ANKHD1: variants seen among roughly 807,000 people sequenced by gnomAD.
ANKHD1 encodes ankyrin repeat and KH domain containing 1, also known as ankyrin repeat and KH domain-containing protein 1.
In ANKHD1, 31 loss-of-function variants were observed where a neutral mutation model predicts 230.5. That is an observed-to-expected ratio of 0.13 (90% CI 0.10 to 0.18). The LOEUF (loss-of-function observed/expected upper bound fraction) is 0.18, where lower values mean the gene tolerates loss of function less well. Ranked by LOEUF, ANKHD1 falls within the 10% of genes least tolerant of loss-of-function variation. ANKHD1 has a pLI of 1.00. For synonymous variants in ANKHD1, 1,074 were observed against 1,117.6 expected (o/e 0.96, Z 0.78); for missense variants, 2,256 against 3,071.3 (o/e 0.73, Z 6.27).
intron 9 of ANKHD1, among the ~76,000 whole-genome samples, chr5:140,463,005 C>A (rs1327110030): frequency 1.3e-5 from 2 of 151,886 alleles, no homozygotes; most frequent in Non-Finnish European, 2.9e-5. Flanking sequence ...ACCACTATGC[C>A]CCGCTAATTT....
intron 2 of ANKHD1, 66 bp from the exon 3 acceptor site, chr5:140,438,395 A>G (rs543444621): frequency 3.4e-6 from 5 of 1,449,510 alleles, no homozygotes; most frequent in Middle Eastern, 1.9e-4. Flanking sequence ...ATATAATTAC[A>G]ATTTGCACTT....
intron 7 of ANKHD1, among the ~76,000 whole-genome samples, chr5:140,455,709 A>G (rs564600992): frequency 1.5e-3 from 236 of 152,282 alleles, no homozygotes; most frequent in African/African-American, 5.5e-3. Flanking sequence ...TTGATGGGAC[A>G]TATCTCAAAA....
chr5:140,440,151 A>G lies in ANKHD1; in HGVS notation c.650A>G (p.Asp217Gly). Residue 217 changes from aspartate to glycine, a missense_variant, in exon 4 of 34, where the codon GAT becomes GGT. Physicochemically the swap from Asp to Gly is moderately conservative, Grantham distance 94 (BLOSUM62 -1). Transcript: ENST00000360839. ...RSLAEACSDG[D>G]VNAVRKLLDE... ...CTAGCAGAAGCTTGTTCAGATGGGG[A>G]TGTTAATGCTGTTCGTAAATTGCTA... The G allele has an allele frequency of 6.2e-7, 1 of 1,611,572 alleles. No homozygotes were observed. Among genetic ancestry groups the G allele is most frequent in the Non-Finnish European group, 8.5e-7 (1 of 1,178,746 alleles).
In ANKHD1 at chr5:140,402,040, C is replaced by T. The variant is rs1186287209; in HGVS notation, c.73C>T (p.Pro25Ser). Residue 25 changes from proline (P) to serine (S), a missense_variant, in exon 1 of 34, where the codon CCA (proline) becomes TCA (serine). This residue lies in a region of ANKHD1 where 193 missense variants were observed against 185.8 expected (regional missense o/e 1.04). Coordinates refer to ENST00000360839, the MANE Select transcript of ANKHD1 (RefSeq NM_017747.3). Reference protein sequence around the residue: ...DLDSVAPRSAPAGASEPPPPG... With the variant: ...DLDSVAPRSASAGASEPPPPG... ...GGACTCTGTGGCTCCGCGATCCGCC[C>T]CAGCTGGGGCCTCGGAGCCGCCTCC... The T allele has an allele frequency of 6.7e-7, 1 of 1,495,384 alleles. No homozygotes were observed. The highest frequency in any genetic ancestry group is 1.3e-5 in the South Asian group (1 of 74,446). 92.6% of individuals were successfully genotyped at this position (1,495,384 alleles called of 1,614,324 possible).
Position 140,528,591 on chromosome 5 carries a change from C to T in ANKHD1, c.5645C>T (p.Ser1882Leu), listed in dbSNP as rs773865979. The T allele has an allele frequency of 6.2e-7, 1 of 1,614,180 alleles. No individual in the cohort carries two copies. The highest frequency in any genetic ancestry group is 8.5e-7 in the Non-Finnish European group (1 of 1,180,032). The change falls in exon 29 of 34, where the codon TCA becomes TTA. Residue 1882 changes from serine (S) to leucine (L), a missense_variant. Physicochemically the swap from Ser to Leu is moderately radical, Grantham distance 145. This residue lies in a region of ANKHD1 where 778 missense variants were observed against 966.5 expected (regional missense o/e 0.80). Coordinates refer to ENST00000360839, the MANE Select transcript of ANKHD1 (RefSeq NM_017747.3). ...ATGGCCCAGTTTGGAGGAACCTTCT[C>T]ACCTTCTCCTAACACATGGGGACCA... Reference protein sequence around the residue: ...LPMAQFGGTFSPSPNTWGPFP... With the variant: ...LPMAQFGGTFLPSPNTWGPFP...
intron 14 of ANKHD1, among the ~76,000 whole-genome samples, chr5:140,491,139 CATATAT>C (rs1193439242): frequency 2.0e-4 from 11 of 56,354 alleles, no homozygotes; most frequent in African/African-American, 4.9e-4. Context: ...TATATATACA[CATATAT>C]ATATATATAT....
At chr5:140,487,502 A>G (rs1035099492) in intron 14 of ANKHD1, among the ~76,000 whole-genome samples, 2 of 152,238 alleles carry the variant, frequency 1.3e-5, no homozygotes, top group Admixed American at 1.3e-4. Flanking sequence ...CATTTATGCA[A>G]TGCTGAATAT....
At chr5:140,519,118 C>T (rs1201352641) in intron 24 of ANKHD1, among the ~76,000 whole-genome samples, 1 of 152,212 alleles carries the variant, frequency 6.6e-6, no homozygotes, top group Non-Finnish European at 1.5e-5. Context: ...GTACAAAAAT[C>T]ACAAGCATTC....
intron 24 of ANKHD1, among the ~76,000 whole-genome samples, chr5:140,518,257 A>G (rs1168678676): frequency 1.3e-5 from 2 of 152,154 alleles, no homozygotes; most frequent in Non-Finnish European, 2.9e-5. Context: ...GAATCTCTGA[A>G]TAGACCAAGA....
In ANKHD1 at chr5:140,457,011, G is replaced by GA. The variant is rs1363114451; in HGVS notation, c.1243-1607dup. Among the ~76,000 whole-genome samples, 4 of 151,882 alleles carry GA rather than the reference G, an allele frequency of 2.6e-5. No individual in the cohort carries two copies. In the East Asian group the frequency reaches 7.8e-4, roughly 29 times the overall value. The stretch of plus-strand genomic sequence containing the variant: ...ACAATGAACTCAAACAAATTTACAA[G>GA]AAAAAAACAACCCCATCAAAAAGTG... On this transcript the variant is annotated intron_variant, in intron 7 of 33. Coordinates refer to ENST00000360839, the MANE Select transcript of ANKHD1 (RefSeq NM_017747.3).
chr5:140,444,227 C>A (rs2126929572), intron 5 of ANKHD1, among the ~76,000 whole-genome samples: 1 of 152,100 alleles, frequency 6.6e-6, no homozygotes, highest in East Asian at 1.9e-4. Context: ...CTTCTCAAAC[C>A]CCACAGATAC....
chr5:140,437,500 C>T (rs543075207), intron 2 of ANKHD1, among the ~76,000 whole-genome samples: 3 of 152,136 alleles, frequency 2.0e-5, no homozygotes, highest in African/African-American at 4.8e-5. Flanking sequence ...GTCAGGACTT[C>T]GAGACCAGCC....
At chr5:140,447,485 G>A (rs926993458) in intron 6 of ANKHD1, among the ~76,000 whole-genome samples, 44 of 152,118 alleles carry the variant, frequency 2.9e-4, no homozygotes, top group Non-Finnish European at 6.5e-4. Context: ...TAGGATTACA[G>A]GTGTAAGCCA....
intron 10 of ANKHD1, among the ~76,000 whole-genome samples, chr5:140,479,694 T>C (rs1751163593): frequency 6.7e-6 from 1 of 149,902 alleles, no homozygotes; most frequent in Non-Finnish European, 1.5e-5. Context: ...TACATACATA[T>C]GTATATATAC....
At chr5:140,416,755 G>A (rs1387093961) in intron 1 of ANKHD1, among the ~76,000 whole-genome samples, 9 of 151,856 alleles carry the variant, frequency 5.9e-5, no homozygotes, top group Non-Finnish European at 1.3e-4. Flanking sequence ...AAAATGCTGG[G>A]ATTACAAGTG....
At position 140,513,392 on chromosome 5, in the gene ANKHD1, C is replaced by T. The variant is rs768989770; in HGVS notation, c.4230C>T (p.Val1410=). ...TGTTGAAAAAATGTCATCAATGTGT[C>T]GAAACCATTGTGAAGGCTAAAGACC... ...KELLKKCHQC[V]ETIVKAKDQQ... The change falls in exon 24 of 34, where the codon GTC becomes GTT. Residue 1410 remains valine (V), a synonymous_variant. Transcript: ENST00000360839. 2.3e-4 allele frequency: 374 copies of T among 1,612,434 alleles called. 3 individuals carry two copies. In the South Asian group the frequency reaches 3.7e-3, roughly 16 times the overall value.
At chr5:140,426,072 G>T (rs1302203571) in intron 1 of ANKHD1, among the ~76,000 whole-genome samples, 4 of 152,184 alleles carry the variant, frequency 2.6e-5, no homozygotes, top group Non-Finnish European at 5.9e-5. Flanking sequence ...TTTTAAAAAT[G>T]TATATTTTGG....
At chr5:140,523,900 G>A (rs537934545) in intron 24 of ANKHD1, among the ~76,000 whole-genome samples, 166 bp from the exon 25 acceptor site, 1 of 152,200 alleles carries the variant, frequency 6.6e-6, no homozygotes, top group East Asian at 1.9e-4. Flanking sequence ...AAGTATAAAA[G>A]TTTTTAATTT....
intron 14 of ANKHD1, among the ~76,000 whole-genome samples, 198 bp downstream of exon 14, chr5:140,487,258 A>G (rs1447430971): frequency 6.6e-6 from 1 of 152,210 alleles, no homozygotes; most frequent in Non-Finnish European, 1.5e-5. Flanking sequence ...TTTTCCTGTT[A>G]ACATACTGAT....
Sources: allele counts gnomAD v4.1 joint callset (sites outside exome capture counted in the v4.1 genomes callset), GRCh38; gene constraint gnomAD v4.1.1; regional missense constraint gnomAD v4.1.1; transcripts MANE v1.5; gene names NCBI Gene and HGNC (gene_info 2026-07-23, HGNC 2026-07-21).